Variants in AKAP8L observed in about 807,000 individuals in gnomAD.
The protein encoded by AKAP8L is A-kinase anchoring protein 8 like.
A neutral mutation model predicts 77.5 loss-of-function variants in AKAP8L; 34 were observed. The ratio of observed to expected loss-of-function variants is 0.44; its 90% CI spans 0.33 to 0.58. The LOEUF is 0.58. AKAP8L is among the 20% of genes least tolerant of loss of function. The pLI, the probability that AKAP8L is intolerant of heterozygous loss-of-function variation, is 0.02. For missense variants in AKAP8L, 806 were observed against 887.6 expected (o/e 0.91, Z 1.17); for synonymous variants, 342 against 340.7 (o/e 1.00, Z -0.04).
chr19:15,393,903 CAAA>C (rs35729766), intron 12 of AKAP8L, among the ~76,000 whole-genome samples: 16 of 96,388 alleles, frequency 1.7e-4, no homozygotes, highest in Admixed American at 3.3e-4. Flanking sequence ...ATCTCTGTCT[CAAA>C]AAAAAAAAAA....
chr19:15,397,802 A>G lies in AKAP8L; in HGVS notation c.1211T>C (p.Met404Thr). The G allele has an allele frequency of 6.2e-7, 1 of 1,613,990 alleles. No homozygotes were observed. Among genetic ancestry groups the G allele is most frequent in the Non-Finnish European group, 8.5e-7 (1 of 1,179,896 alleles). The change falls in exon 10 of 14, where the codon ATG (methionine) becomes ACG (threonine). Residue 404 changes from methionine to threonine, a missense_variant. Met to Thr is a moderately conservative substitution (Grantham distance 81). Coordinates refer to ENST00000397410, the MANE Select transcript of AKAP8L (RefSeq NM_014371.4). The surrounding 1 kb of genome is among the most constrained non-coding windows in gnomAD (Gnocchi z 4.7). ...GAACTTGCTGTCAAGATGGCTGGCC[A>G]TCTCGTCCTCATAGAAGGTCCGGTA... ...CKYRTFYEDE[M>T]ASHLDSKFHK...
intron 12 of AKAP8L, among the ~76,000 whole-genome samples, chr19:15,395,901 G>A (rs1013551230): frequency 2.4e-4 from 34 of 141,288 alleles, no homozygotes; most frequent in Middle Eastern, 3.3e-3. Context: ...GGAGAATGGC[G>A]TGAACCCGGG....
At position 15,398,942 on chromosome 19, in the gene AKAP8L, G is replaced by C. The variant is rs1372703894; in HGVS notation, c.1157+360C>G. The C allele has an allele frequency of 4.6e-6, 2 of 436,290 alleles. No homozygotes were observed. The highest frequency in any genetic ancestry group is 6.3e-5 in the South Asian group (2 of 31,962). 27.0% of individuals were successfully genotyped at this position (436,290 alleles called of 1,614,324 possible). ...TTGGCAGCTAGCTGGGGCGGCACAG[G>C]CGCCTTGGACCTTGAGTCTCTGATG... On this transcript the variant is annotated intron_variant, in intron 9 of 13. Coordinates refer to ENST00000397410, the MANE Select transcript of AKAP8L (RefSeq NM_014371.4). The surrounding 1 kb of genome is among the most constrained non-coding windows in gnomAD (Gnocchi z 9.2).
intron 12 of AKAP8L, among the ~76,000 whole-genome samples, chr19:15,391,898 G>A (rs1398971923): frequency 6.6e-6 from 1 of 151,188 alleles, no homozygotes; most frequent in Non-Finnish European, 1.5e-5. Flanking sequence ...GTGCATGGTA[G>A]GATCATAGCT....
At chr19:15,408,749 T>C (rs1467577068) in intron 2 of AKAP8L, among the ~76,000 whole-genome samples, 1 of 150,048 alleles carries the variant, frequency 6.7e-6, no homozygotes, top group Non-Finnish European at 1.5e-5. Flanking sequence ...CCAGGCGTGG[T>C]GGCGGGCAAC....
In AKAP8L at chr19:15,404,196, A is replaced by C. The variant is rs1337249845; in HGVS notation, c.89-154T>G. 4 of 667,698 alleles carry C rather than the reference A, an allele frequency of 6.0e-6. No individual in the cohort carries two copies. The Admixed American group carries it at 1.2e-4, about 21-fold the overall frequency. 41.4% of individuals were successfully genotyped at this position (667,698 alleles called of 1,614,324 possible). A position where few individuals can be genotyped will look rare whatever the true frequency, so the allele number is the denominator to read the frequency against. On this transcript the variant is annotated intron_variant, in intron 2 of 13. Transcript: ENST00000397410. ...TGAGCTCGCGAGCACTGCGCAAATG[A>C]CCCAGGCCACTTGCTGCCCTGGTGC...
chr19:15,403,221 C>A lies in AKAP8L; in HGVS notation c.362+254G>T. 4 of 525,866 alleles carry A rather than the reference C, an allele frequency of 7.6e-6. No homozygotes were observed. The highest frequency in any genetic ancestry group is 1.4e-5 in the Non-Finnish European group (4 of 288,606). 32.6% of individuals were successfully genotyped at this position (525,866 alleles called of 1,614,324 possible). Reference sequence around the variant, plus strand: ...GTTTTTGAGGGCACAGTGAAGTCTGCCCAGTCTGGGCTTGTTCCTCTCACC... The same window carrying A: ...GTTTTTGAGGGCACAGTGAAGTCTGACCAGTCTGGGCTTGTTCCTCTCACC... On this transcript the variant is annotated intron_variant, in intron 4 of 13. Transcript: ENST00000397410. The surrounding 1 kb of genome is among the most constrained non-coding windows in gnomAD (Gnocchi z 4.3).
intron 7 of AKAP8L, 87 bp downstream of exon 7, chr19:15,400,705 GCA>G: frequency 6.8e-7 from 1 of 1,470,168 alleles, no homozygotes; most frequent in Non-Finnish European, 9.4e-7. Context: ...AGCTGACACA[GCA>G]TTGCCTCTGG....
In AKAP8L at chr19:15,399,911, C is replaced by G; in HGVS notation, c.1048+384G>C. ...GAGGTGCTAAGGGAGAGGATACGCA[C>G]ACCAGAGCCGTAAAAACTGCACCGA... On this transcript the variant is annotated intron_variant, in intron 8 of 13. Coordinates refer to ENST00000397410, the MANE Select transcript of AKAP8L (RefSeq NM_014371.4). This position sits in a 1 kb window ranked among gnomAD's most constrained non-coding sequence, Gnocchi z 6.1. 1 of 354,754 alleles carries G rather than the reference C, an allele frequency of 2.8e-6. No individual in the cohort carries two copies. Among genetic ancestry groups the G allele is most frequent in the Non-Finnish European group, 5.2e-6 (1 of 191,062 alleles). The allele number at this position is 354,754 out of a possible 1,614,324, so 22.0% of individuals were successfully genotyped here. A position where few individuals can be genotyped will look rare whatever the true frequency, so the allele number is the denominator to read the frequency against.
chr19:15,394,161 AAAC>A (rs1967721486), intron 12 of AKAP8L, among the ~76,000 whole-genome samples: 1 of 152,204 alleles, frequency 6.6e-6, no homozygotes, highest in Non-Finnish European at 1.5e-5. Context: ...CAAAAGGTGA[AAAC>A]AACCCAAACA....
intron 2 of AKAP8L, among the ~76,000 whole-genome samples, chr19:15,405,203 T>C (rs898073932): frequency 6.6e-6 from 1 of 152,120 alleles, no homozygotes; most frequent in Non-Finnish European, 1.5e-5. Context: ...ATGGAGCCAT[T>C]CTAAGAGGCA....
At chr19:15,402,874 A>G (rs1967925889) in intron 4 of AKAP8L, among the ~76,000 whole-genome samples, 1 of 152,190 alleles carries the variant, frequency 6.6e-6, no homozygotes, top group Admixed American at 6.5e-5. Context: ...GCCCAGCCCC[A>G]CCAAGTACTT....
chr19:15,412,886 C>T (rs980564900), intron 1 of AKAP8L, among the ~76,000 whole-genome samples: 1 of 152,186 alleles, frequency 6.6e-6, no homozygotes, highest in Admixed American at 6.5e-5. Context: ...ACTGAAATTA[C>T]GACAGATACC....
rs1967814229 is a variant in AKAP8L at position 15,398,053 on chromosome 19, G to A, written c.1158-198C>T. On this transcript the variant is annotated intron_variant, in intron 9 of 13. Coordinates refer to ENST00000397410, the MANE Select transcript of AKAP8L (RefSeq NM_014371.4). This position sits in a 1 kb window ranked among gnomAD's most constrained non-coding sequence, Gnocchi z 9.2. ...AGAAAGTCTGCAGGCTGCAGTTACTGCAACGTAGGGGACAGGGGAGGAGCT... is the reference window on the plus strand; with the variant it reads ...AGAAAGTCTGCAGGCTGCAGTTACTACAACGTAGGGGACAGGGGAGGAGCT... 3.2e-6 allele frequency: 2 copies of A among 619,422 alleles called. No individual in the cohort carries two copies. The highest frequency in any genetic ancestry group is 5.6e-6 in the Non-Finnish European group (2 of 357,290). 38.4% of individuals were successfully genotyped at this position (619,422 alleles called of 1,614,324 possible). A position where few individuals can be genotyped will look rare whatever the true frequency, so the allele number is the denominator to read the frequency against.
chr19:15,394,553 G>C (rs977239523), intron 12 of AKAP8L, among the ~76,000 whole-genome samples: 1 of 151,854 alleles, frequency 6.6e-6, no homozygotes, highest in Non-Finnish European at 1.5e-5. Context: ...CATTTGTTTG[G>C]TTTTTTTAGA....
intron 12 of AKAP8L, among the ~76,000 whole-genome samples, chr19:15,385,461 A>G (rs929026268): frequency 9.4e-4 from 137 of 145,438 alleles, no homozygotes; most frequent in Middle Eastern, 7.8e-3. Flanking sequence ...GATTACAGGC[A>G]TGAGCCACCG....
intron 2 of AKAP8L, among the ~76,000 whole-genome samples, chr19:15,406,362 GGAGAGAGAGAGAGAGAGAGA>G (rs3040938): frequency 3.4e-5 from 3 of 89,380 alleles, no homozygotes; most frequent in Admixed American, 1.1e-4. Flanking sequence ...GAAATTTTAA[GGAGAGAGAGAGAGAGAGAGA>G]GAGAGAGAGA....
chr19:15,418,072 C>T (rs955918260), intron 1 of AKAP8L, among the ~76,000 whole-genome samples: 1 of 152,228 alleles, frequency 6.6e-6, no homozygotes, highest in South Asian at 2.1e-4. Flanking sequence ...GGCCAGATAT[C>T]TTTATTCGCT....
chr19:15,388,268 G>A, intron 12 of AKAP8L, among the ~76,000 whole-genome samples: 1 of 151,148 alleles, frequency 6.6e-6, no homozygotes, highest in African/African-American at 2.4e-5. Context: ...GAGGGTGGGT[G>A]GGGGATCAGT....
Sources: allele counts gnomAD v4.1 joint callset (sites outside exome capture counted in the v4.1 genomes callset), GRCh38; gene constraint gnomAD v4.1.1; non-coding constraint Gnocchi (gnomAD v3.1); transcripts MANE v1.5; gene names NCBI Gene and HGNC (gene_info 2026-07-23, HGNC 2026-07-21).